Variants in GPR158 observed in about 807,000 individuals in gnomAD.
GPR158 encodes metabotropic glycine receptor.
GPR158 carries 30 observed loss-of-function variants against 78.2 expected under a neutral mutation model. That is an observed-to-expected ratio of 0.38 (90% CI 0.29 to 0.52). GPR158 has a LOEUF of 0.52. Among genes scored for constraint, GPR158 ranks in the 20% least tolerant of loss-of-function variants. GPR158 has a pLI of 0.83. For missense variants in GPR158, 1,463 were observed against 1,523.5 expected (o/e 0.96, Z 0.66); for synonymous variants, 581 against 591.1 (o/e 0.98, Z 0.25).
intron 5 of GPR158, among the ~76,000 whole-genome samples, chr10:25,470,432 G>T (rs2130622425): frequency 6.6e-6 from 1 of 152,142 alleles, no homozygotes; most frequent in Non-Finnish European, 1.5e-5. Context: ...CCAGAAACCG[G>T]ATGCTGACAC....
At chr10:25,291,969 A>G (rs1430942361) in intron 2 of GPR158, among the ~76,000 whole-genome samples, 1 of 152,154 alleles carries the variant, frequency 6.6e-6, no homozygotes, top group Non-Finnish European at 1.5e-5. Flanking sequence ...GGGGAAACTT[A>G]CTGTAGTCAC....
intron 2 of GPR158, among the ~76,000 whole-genome samples, chr10:25,350,361 A>G (rs1326477944): frequency 1.3e-5 from 2 of 152,062 alleles, no homozygotes; most frequent in Non-Finnish European, 1.5e-5. Context: ...GAAATGGATT[A>G]AACTGACCCA....
At chr10:25,239,856 CTAATAA>C (rs1234223131) in intron 2 of GPR158, among the ~76,000 whole-genome samples, 1 of 152,124 alleles carries the variant, frequency 6.6e-6, no homozygotes, top group Non-Finnish European at 1.5e-5. Flanking sequence ...ACTGAAAACA[CTAATAA>C]TGAGTATTTA....
chr10:25,559,351 G>C (rs1836831811), intron 6 of GPR158, among the ~76,000 whole-genome samples: 1 of 152,144 alleles, frequency 6.6e-6, no homozygotes, highest in South Asian at 2.1e-4. Flanking sequence ...TAAGTATTCA[G>C]TGGGGTAAGA....
Position 25,359,793 on chromosome 10 carries a change from G to A in GPR158, c.1009-36118G>A, listed in dbSNP as rs139467650. 9.2e-3 allele frequency among the ~76,000 whole-genome samples: 1,394 copies of A among 152,118 alleles called. 8 individuals are homozygous for A. Among genetic ancestry groups the A allele is most frequent in the Non-Finnish European group, 0.014 (942 of 67,972 alleles). On this transcript the variant is annotated intron_variant, in intron 2 of 10. Transcript: ENST00000376351. ...TATATACCCAGTAATGGGATGGCTGGGTCAAATGGTATTTCTGGTTCTAAA... is the reference window on the plus strand; with the variant it reads ...TATATACCCAGTAATGGGATGGCTGAGTCAAATGGTATTTCTGGTTCTAAA...
At chr10:25,443,760 T>C (rs1835101121) in intron 4 of GPR158, among the ~76,000 whole-genome samples, 4 of 151,484 alleles carry the variant, frequency 2.6e-5, no homozygotes, top group Admixed American at 2.6e-4. Context: ...TGGTGAGACA[T>C]GCACCCCAGG....
chr10:25,503,814 G>C (rs1835974538), intron 5 of GPR158, among the ~76,000 whole-genome samples: 1 of 151,608 alleles, frequency 6.6e-6, no homozygotes, highest in Admixed American at 6.6e-5. Context: ...TCTTTCTTTA[G>C]TCACATAATA....
intron 5 of GPR158, among the ~76,000 whole-genome samples, chr10:25,504,022 C>T (rs1211160068): frequency 6.6e-6 from 1 of 151,740 alleles, no homozygotes; most frequent in East Asian, 1.9e-4. Flanking sequence ...TCCCAAGTAG[C>T]TGGGATTACA....
intron 2 of GPR158, among the ~76,000 whole-genome samples, chr10:25,303,570 C>T (rs1054234459): frequency 3.9e-5 from 6 of 152,222 alleles, no homozygotes; most frequent in East Asian, 3.9e-4. Context: ...ATAATAGTGG[C>T]GCAAACCGTT....
chr10:25,314,108 T>A lies in GPR158; in HGVS notation c.1009-81803T>A, dbSNP rs140200595. 5.3e-5 allele frequency among the ~76,000 whole-genome samples: 8 copies of A among 152,272 alleles called. No homozygotes were observed. The East Asian group carries it at 1.5e-3, about 29-fold the overall frequency. ...CTAGGTTTTTGAATTTATTTATTTA[T>A]TTATTTATTTAGAGACGGAGTCTCA... On this transcript the variant is annotated intron_variant, in intron 2 of 10. Transcript: ENST00000376351.
At chr10:25,267,274 A>G (rs973555083) in intron 2 of GPR158, among the ~76,000 whole-genome samples, 2 of 152,142 alleles carry the variant, frequency 1.3e-5, no homozygotes, top group African/African-American at 2.4e-5. Flanking sequence ...GGCCTCAGGA[A>G]ACTTACAATC....
intron 2 of GPR158, among the ~76,000 whole-genome samples, chr10:25,233,728 A>C (rs1457299583): frequency 6.6e-6 from 1 of 152,204 alleles, no homozygotes; most frequent in African/African-American, 2.4e-5. Flanking sequence ...TTTCATAGTA[A>C]TTCAGAGCCA....
chr10:25,411,226 G>A (rs569151259), intron 3 of GPR158, among the ~76,000 whole-genome samples: 1 of 152,048 alleles, frequency 6.6e-6, no homozygotes, highest in South Asian at 2.1e-4. Context: ...TGAGACAGAA[G>A]AACCTAAAAT....
intron 4 of GPR158, among the ~76,000 whole-genome samples, chr10:25,424,363 G>A (rs983916732): frequency 6.6e-6 from 1 of 152,134 alleles, no homozygotes; most frequent in Non-Finnish European, 1.5e-5. Flanking sequence ...AGTTTCTTTT[G>A]CTGTGCAGAA....
rs753100160 is a variant in GPR158 at position 25,176,555 on chromosome 10, C to T, written c.902+233C>T. ...GGCGAAAGCCATTCATTCTCTCGGA[C>T]CAGTTTCCCCGCACTGGGCGAGGGA... On this transcript the variant is annotated intron_variant, in intron 1 of 10. Transcript: ENST00000376351. The surrounding 1 kb of genome is among the most constrained non-coding windows in gnomAD (Gnocchi z 6.3). 9.2e-5 allele frequency among the ~76,000 whole-genome samples: 14 copies of T among 152,224 alleles called. No homozygotes were observed. Among genetic ancestry groups the T allele is most frequent in the Non-Finnish European group, 1.5e-4 (10 of 68,038 alleles).
intron 4 of GPR158, among the ~76,000 whole-genome samples, chr10:25,422,040 T>C (rs71495453): frequency 0.057 from 8,640 of 152,262 alleles, 525 homozygotes; most frequent in African/African-American, 0.16. Flanking sequence ...GAATTGTCTG[T>C]ATCCTCAAGT....
At chr10:25,592,903 C>CAA (rs113359370) in intron 8 of GPR158, among the ~76,000 whole-genome samples, 801 of 62,190 alleles carry the variant, frequency 0.013, 23 homozygotes, top group African/African-American at 0.03. Context: ...TATTTCAATG[C>CAA]AAAAAAAAAA....
At chr10:25,535,775 T>C (rs1836491639) in intron 5 of GPR158, among the ~76,000 whole-genome samples, 1 of 152,238 alleles carries the variant, frequency 6.6e-6, no homozygotes, top group Non-Finnish European at 1.5e-5. Flanking sequence ...CCTAGTCTGC[T>C]TCTTTCCTCT....
intron 2 of GPR158, among the ~76,000 whole-genome samples, chr10:25,302,181 C>T (rs1173916465): frequency 6.7e-6 from 1 of 150,100 alleles, no homozygotes; most frequent in African/African-American, 2.5e-5. Context: ...ACGCCGTTCT[C>T]CTGCCTCAGC....
Sources: allele counts gnomAD v4.1 joint callset (sites outside exome capture counted in the v4.1 genomes callset), GRCh38; gene constraint gnomAD v4.1.1; non-coding constraint Gnocchi (gnomAD v3.1); transcripts MANE v1.5; gene names NCBI Gene and HGNC (gene_info 2026-07-23, HGNC 2026-07-21).